Variants in GAS2 observed in about 807,000 individuals in gnomAD.
GAS2 encodes the protein growth arrest-specific protein 2.
GAS2 carries 20 observed loss-of-function variants against 37.5 expected under a neutral mutation model. That is an observed-to-expected ratio of 0.53 (90% CI 0.37 to 0.77). The LOEUF (loss-of-function observed/expected upper bound fraction) is 0.77, where lower values mean the gene tolerates loss of function less well. Among genes scored for constraint, GAS2 ranks in the 30% least tolerant of loss-of-function variants. The probability of loss-of-function intolerance (pLI) is 0.00; values close to 1 mark genes in which losing one functional copy is unlikely to be tolerated. For missense variants in GAS2, 336 were observed against 373.4 expected (o/e 0.90, Z 0.82); for synonymous variants, 144 against 132.2 (o/e 1.09, Z -0.61).
At position 22,789,599 on chromosome 11, in the gene GAS2, C is replaced by A. The variant is rs553721358; in HGVS notation, c.724-22199C>A. The stretch of plus-strand genomic sequence containing the variant: ...GCCTCAGCCTCCCGAGTAGCTGGGA[C>A]TACAGGCGCCCGCCACCATACCCGG... On this transcript the variant is annotated intron_variant, in intron 7 of 7. Coordinates refer to ENST00000454584, the MANE Select transcript of GAS2 (RefSeq NM_001143830.3). Among the ~76,000 whole-genome samples, 4 of 147,668 alleles carry A rather than the reference C, an allele frequency of 2.7e-5. No individual in the cohort carries two copies. The East Asian group carries it at 8.1e-4, about 30-fold the overall frequency.
At chr11:22,706,370 C>T (rs1276639098) in intron 3 of GAS2, among the ~76,000 whole-genome samples, 1 of 151,480 alleles carries the variant, frequency 6.6e-6, no homozygotes, top group Non-Finnish European at 1.5e-5. Flanking sequence ...TTTTAGGGTA[C>T]ATGTGCACAT....
intron 3 of GAS2, among the ~76,000 whole-genome samples, chr11:22,717,396 AATGGAC>A (rs1318552150): frequency 6.6e-6 from 1 of 152,150 alleles, no homozygotes; most frequent in East Asian, 1.9e-4. Context: ...TAAATTGGAG[AATGGAC>A]ACCCTATTTC....
intron 2 of GAS2, among the ~76,000 whole-genome samples, chr11:22,685,190 C>CG (rs1849881805): frequency 6.6e-6 from 1 of 152,044 alleles, no homozygotes; most frequent in Non-Finnish European, 1.5e-5. Context: ...GAGAGACCTA[C>CG]GGCGTTCTTG....
chr11:22,733,709 A>G (rs1852600983), intron 4 of GAS2, among the ~76,000 whole-genome samples: 1 of 151,652 alleles, frequency 6.6e-6, no homozygotes, highest in African/African-American at 2.4e-5. Flanking sequence ...GTCTCTTGCC[A>G]CATATTTTTG....
chr11:22,666,260 T>A (rs1848983816), upstream of GAS2, among the ~76,000 whole-genome samples: 1 of 152,180 alleles, frequency 6.6e-6, no homozygotes, highest in African/African-American at 2.4e-5. Flanking sequence ...AATCTGATAT[T>A]TAAAGAGAAT....
chr11:22,768,595 A>C (rs956932871), intron 7 of GAS2, among the ~76,000 whole-genome samples: 1 of 152,198 alleles, frequency 6.6e-6, no homozygotes, highest in Non-Finnish European at 1.5e-5. Flanking sequence ...CCGTGGGAAC[A>C]AATTATTTGA....
At position 22,758,158 on chromosome 11, in the gene GAS2, G is replaced by C. The variant is rs1276714100; in HGVS notation, c.723+2205G>C. ...ATAGGTATTGAATTGGTTTTCAAAT[G>C]ATCATATGGTTGTCACTGCTAATGT... On this transcript the variant is annotated intron_variant, in intron 7 of 7. Coordinates refer to ENST00000454584, the MANE Select transcript of GAS2 (RefSeq NM_001143830.3). 2.0e-5 allele frequency among the ~76,000 whole-genome samples: 3 copies of C among 152,126 alleles called. No individual in the cohort carries two copies. In the East Asian group the frequency reaches 5.8e-4, roughly 29 times the overall value.
chr11:22,796,610 A>G (rs1459152905), intron 7 of GAS2, among the ~76,000 whole-genome samples: 2 of 152,152 alleles, frequency 1.3e-5, no homozygotes, highest in Non-Finnish European at 2.9e-5. Context: ...TAATGTCAAT[A>G]TACTAAAGAT....
At chr11:22,784,982 C>T (rs897860335) in intron 7 of GAS2, among the ~76,000 whole-genome samples, 4 of 152,228 alleles carry the variant, frequency 2.6e-5, no homozygotes, top group Middle Eastern at 6.8e-3. Context: ...GGTTAAATTG[C>T]AAGGACACCT....
At chr11:22,641,496 C>A (rs529304652) in intron 1 of GAS2, among the ~76,000 whole-genome samples, 1 of 150,950 alleles carries the variant, frequency 6.6e-6, no homozygotes, top group South Asian at 2.1e-4. Context: ...ATCCCTCCCC[C>A]CCACACACCC....
intron 7 of GAS2, among the ~76,000 whole-genome samples, chr11:22,804,561 A>G (rs1856805749): frequency 6.6e-6 from 1 of 152,146 alleles, no homozygotes; most frequent in Admixed American, 6.6e-5. Flanking sequence ...TGAAGACACC[A>G]AGTGTGAATG....
intron 1 of GAS2, among the ~76,000 whole-genome samples, chr11:22,659,241 A>G (rs1848890195): frequency 6.6e-6 from 1 of 152,074 alleles, no homozygotes; most frequent in Non-Finnish European, 1.5e-5. Context: ...ATCTAATCCA[A>G]CTCTGAATCT....
intron 1 of GAS2, among the ~76,000 whole-genome samples, chr11:22,656,230 T>G (rs1848853125): frequency 6.6e-6 from 1 of 152,206 alleles, no homozygotes; most frequent in African/African-American, 2.4e-5. Flanking sequence ...CTTGGCTATG[T>G]TTTCTGAAAC....
intron 1 of GAS2, among the ~76,000 whole-genome samples, chr11:22,652,991 T>TTCTTTCTTTC (rs769554594): frequency 2.7e-3 from 17 of 6,302 alleles, no homozygotes; most frequent in South Asian, 0.014. Context: ...CTTTCTTTCT[T>TTCTTTCTTTC]TGTCTTTCTT....
intron 1 of GAS2, among the ~76,000 whole-genome samples, chr11:22,632,699 G>T (rs1417654325): frequency 1.3e-5 from 2 of 151,024 alleles, no homozygotes; most frequent in Non-Finnish European, 2.9e-5. Flanking sequence ...TAATTCTTAG[G>T]TTGGCCCTTT....
intron 7 of GAS2, among the ~76,000 whole-genome samples, chr11:22,782,865 G>A (rs1416060542): frequency 1.4e-5 from 2 of 146,862 alleles, no homozygotes; most frequent in Non-Finnish European, 3.0e-5. Flanking sequence ...CACCTAGGTT[G>A]ATTCCACGTC....
chr11:22,755,707 T>C, intron 6 of GAS2, 139 bp from the exon 7 acceptor site: 1 of 592,264 alleles, frequency 1.7e-6, no homozygotes, highest in Non-Finnish European at 3.0e-6. Flanking sequence ...AATGTGATAT[T>C]CCTATGCTCA....
chr11:22,771,222 T>G lies in GAS2; in HGVS notation c.723+15269T>G, dbSNP rs536392423. Among the ~76,000 whole-genome samples the G allele has an allele frequency of 2.0e-5, 3 of 152,312 alleles. No individual in the cohort carries two copies. In the South Asian group the frequency reaches 6.2e-4, roughly 32 times the overall value. The stretch of plus-strand genomic sequence containing the variant: ...TAACCTAGTAATACAATATTTGTTA[T>G]TTTGTTAGTGTAATTCTTGTGCTCC... On this transcript the variant is annotated intron_variant, in intron 7 of 7. Coordinates refer to ENST00000454584, the MANE Select transcript of GAS2 (RefSeq NM_001143830.3).
In GAS2 at chr11:22,773,938, G is replaced by A. The variant is rs1855119139; in HGVS notation, c.723+17985G>A. ...ATGTAATGTGCTTCCCACCTGGCAT[G>A]CACTTCCTAGACATTCCCAGTTAAA... On this transcript the variant is annotated intron_variant, in intron 7 of 7. Coordinates refer to ENST00000454584, the MANE Select transcript of GAS2 (RefSeq NM_001143830.3). 2.6e-5 allele frequency among the ~76,000 whole-genome samples: 4 copies of A among 152,314 alleles called. No individual in the cohort carries two copies. The South Asian group carries it at 8.3e-4, about 32-fold the overall frequency.
Sources: gnomAD v4.1 joint callset for allele counts (sites outside exome capture counted in the v4.1 genomes callset) on GRCh38, gnomAD v4.1.1 for gene constraint, MANE v1.5 for transcripts, NCBI Gene and HGNC (gene_info 2026-07-23, HGNC 2026-07-21) for gene names.